The following MYOM2 variants were observed in gnomAD, a reference collection of about 807,000 sequenced individuals.
MYOM2 encodes myomesin 2.
Under a neutral mutation model 187.6 loss-of-function variants are expected in MYOM2, and 254 were observed. That is an observed-to-expected ratio of 1.35 (90% CI 1.22 to 1.50). MYOM2 has a LOEUF of 1.50. Ranked by LOEUF, MYOM2 falls within the 40% of genes most tolerant of loss-of-function variation. MYOM2 has a pLI of 0.00. For synonymous variants in MYOM2, 981 were observed against 753.8 expected, an observed-to-expected ratio of 1.30 and a Z score of -4.94; for missense variants, 2,796 against 1,924.0, an observed-to-expected ratio of 1.45 and a Z score of -8.48.
chr8:2,068,166 C>T (rs1000191810), intron 6 of MYOM2, among the ~76,000 whole-genome samples: 1 of 150,856 alleles, frequency 6.6e-6, no homozygotes, highest in Non-Finnish European at 1.5e-5. Context: ...GGCAGCTCTT[C>T]AATGCCTGTG....
rs1491257964 is a variant in MYOM2, at chr8:2,120,688, A to ATTT, written c.3454-2564_3454-2563insTTT. 2.4e-5 allele frequency among the ~76,000 whole-genome samples: 2 copies of ATTT among 82,552 alleles called. 1 individual carries two copies. The highest frequency in any genetic ancestry group is 4.9e-5 in the Non-Finnish European group (2 of 40,540). The allele number at this position is 82,552 out of a possible 152,430, so 54.2% of individuals were successfully genotyped here. On this transcript the variant is annotated intron_variant, in intron 28 of 36. Transcript: ENST00000262113. ...TATATATATATATTATATTATATAT[A>ATTT]AATATATAATATATATATTTTAATT... is the stretch of plus-strand genomic sequence containing the variant.
chr8:2,106,435 T>C (rs1796895239), intron 22 of MYOM2, 37 bp downstream of exon 22: 1 of 1,611,280 alleles, frequency 6.2e-7, no homozygotes, highest in Non-Finnish European at 8.5e-7. Flanking sequence ...TGGAAACTTT[T>C]AGAAGTTCCT....
chr8:2,117,841 C>CT, intron 27 of MYOM2, 44 bp from the exon 28 acceptor site: 1 of 1,451,196 alleles, frequency 6.9e-7, no homozygotes, highest in Non-Finnish European at 9.6e-7. Flanking sequence ...TATTTGTTTA[C>CT]TTTTTCCTTT....
chr8:2,137,938 A>T (rs528500716), intron 32 of MYOM2, among the ~76,000 whole-genome samples: 1 of 152,130 alleles, frequency 6.6e-6, no homozygotes, highest in South Asian at 2.1e-4. Flanking sequence ...TGCTCCTCAC[A>T]CGCCACGGTT....
intron 25 of MYOM2, among the ~76,000 whole-genome samples, chr8:2,112,276 T>C (rs1797092044): frequency 6.6e-6 from 1 of 151,222 alleles, no homozygotes; most frequent in African/African-American, 2.4e-5. Context: ...ATTAAAACAG[T>C]ACAGTAAACA....
Position 2,122,770 on chromosome 8 carries a change from G to A in MYOM2, c.3454-482G>A, listed in dbSNP as rs551688519. 2.5e-3 allele frequency among the ~76,000 whole-genome samples: 384 copies of A among 152,284 alleles called. 2 individuals are homozygous for A. The highest frequency in any genetic ancestry group is 9.0e-3 in the African/African-American group (374 of 41,564). On this transcript the variant is annotated intron_variant, in intron 28 of 36. Coordinates refer to ENST00000262113, the MANE Select transcript of MYOM2 (RefSeq NM_003970.4). ...TGAATTGTGAGGAATTTCAGTATAG[G>A]GAAGGTCCTCACCTCTAGTGAGCAT...
At chr8:2,073,552 G>A (rs749475053) in intron 10 of MYOM2, 52 bp downstream of exon 10, 2 of 1,534,004 alleles carry the variant, frequency 1.3e-6, no homozygotes, top group East Asian at 2.3e-5. Flanking sequence ...CCCGGGGAGG[G>A]GAGGCAGCCC....
In MYOM2 at chr8:2,144,870, C is replaced by G; in HGVS notation, c.4287C>G (p.Ile1429Met). Residue 1429 changes from isoleucine to methionine, a missense_variant, in exon 37 of 37, where the codon ATC (isoleucine) becomes ATG (methionine). Ile to Met is a conservative substitution (Grantham distance 10). Transcript: ENST00000262113. ...NIKNKYGGEKIDVTVSVYKHG... is the reference protein window; with the variant it reads ...NIKNKYGGEKMDVTVSVYKHG... Reference sequence around the variant, plus strand: ...AGAATAAGTATGGCGGGGAGAAGATCGACGTGACAGTGAGCGTGTACAAAC... The same window carrying G: ...AGAATAAGTATGGCGGGGAGAAGATGGACGTGACAGTGAGCGTGTACAAAC... 6.2e-7 allele frequency: 1 copy of G among 1,614,056 alleles called. No individual in the cohort carries two copies. The highest frequency in any genetic ancestry group is 8.5e-7 in the Non-Finnish European group (1 of 1,180,022).
At chr8:2,097,389 G>A in intron 18 of MYOM2, among the ~76,000 whole-genome samples, 1 of 151,762 alleles carries the variant, frequency 6.6e-6, no homozygotes, top group East Asian at 1.9e-4. Context: ...GTACGTATGG[G>A]GTACAATGTG....
Position 2,123,586 on chromosome 8 carries a change from C to G in MYOM2, c.3599C>G (p.Ala1200Gly), listed in dbSNP as rs151084499. The G allele has an allele frequency of 1.0e-4, 167 of 1,614,148 alleles. No homozygotes were observed. The African/African-American group carries it at 2.1e-3, about 20-fold the overall frequency. The part of the protein sequence containing the change: ...LSKKDHGEYK[A>G]TLKDDRGQDV... ...AAGAAGGACCACGGTGAATACAAGG[C>G]AACCTTGAAAGATGACAGAGGCCAA... Residue 1200 changes from alanine (A) to glycine (G), a missense_variant, in exon 30 of 37, where the codon GCA becomes GGA. Coordinates refer to ENST00000262113, the MANE Select transcript of MYOM2 (RefSeq NM_003970.4).
chr8:2,109,577 TTTG>T (rs1478028526), intron 25 of MYOM2, 46 bp downstream of exon 25: 1 of 1,569,544 alleles, frequency 6.4e-7, no homozygotes. Flanking sequence ...GGAGTCCACT[TTTG>T]TTGTGGTAGG....
chr8:2,119,938 G>A (rs556876663), intron 28 of MYOM2, among the ~76,000 whole-genome samples: 2 of 152,028 alleles, frequency 1.3e-5, no homozygotes, highest in African/African-American at 2.4e-5. Flanking sequence ...AGTGCAGCCC[G>A]TTGGTTTCAC....
At chr8:2,137,301 G>T (rs1055155420) in intron 32 of MYOM2, among the ~76,000 whole-genome samples, 1 of 151,952 alleles carries the variant, frequency 6.6e-6, no homozygotes, top group Non-Finnish European at 1.5e-5. Flanking sequence ...CGTCCTCTTG[G>T]TGAGACTGAC....
chr8:2,144,125 C>G (rs1798373212), intron 36 of MYOM2, among the ~76,000 whole-genome samples: 1 of 151,844 alleles, frequency 6.6e-6, no homozygotes, highest in African/African-American at 2.4e-5. Context: ...GCCTAGAGAG[C>G]TCTTGAGATC....
chr8:2,101,144 G>A lies in MYOM2; in HGVS notation c.2619+90G>A, dbSNP rs988314633. The A allele has an allele frequency of 2.5e-5, 34 of 1,334,770 alleles. 1 individual carries two copies. The highest frequency in any genetic ancestry group is 3.1e-5 in the Non-Finnish European group (30 of 961,126). The allele number at this position is 1,334,770 out of a possible 1,614,324, so 82.7% of individuals were successfully genotyped here. ...GCCAATCACTTGAGGTCAGGAGTTC[G>A]AAACCAGCCTGGCCAACATGGAGAA... On this transcript the variant is annotated intron_variant, in intron 20 of 36. Coordinates refer to ENST00000262113, the MANE Select transcript of MYOM2 (RefSeq NM_003970.4).
chr8:2,136,377 G>A (rs558267725), intron 32 of MYOM2, among the ~76,000 whole-genome samples: 3 of 152,296 alleles, frequency 2.0e-5, no homozygotes, highest in Admixed American at 2.0e-4. Flanking sequence ...AGAAGCATGT[G>A]GGGTGCCAGA....
At chr8:2,136,227 T>C (rs1798065692) in intron 32 of MYOM2, among the ~76,000 whole-genome samples, 1 of 152,192 alleles carries the variant, frequency 6.6e-6, no homozygotes, top group South Asian at 2.1e-4. Flanking sequence ...TGGCTACCTT[T>C]GTGCAGCTGC....
intron 11 of MYOM2, among the ~76,000 whole-genome samples, chr8:2,078,019 G>A (rs542390388): frequency 6.6e-6 from 1 of 152,292 alleles, no homozygotes; most frequent in South Asian, 2.1e-4. Flanking sequence ...CCACTCTGGG[G>A]TTGAAGTGCT....
At chr8:2,077,410 A>G (rs897369850) in intron 11 of MYOM2, among the ~76,000 whole-genome samples, 1 of 152,224 alleles carries the variant, frequency 6.6e-6, no homozygotes, top group African/African-American at 2.4e-5. Flanking sequence ...TATTAAACAG[A>G]AAAATAAGGT....
Sources: gnomAD v4.1 joint callset for allele counts (sites outside exome capture counted in the v4.1 genomes callset) on GRCh38, gnomAD v4.1.1 for gene constraint, MANE v1.5 for transcripts, NCBI Gene and HGNC (gene_info 2026-07-23, HGNC 2026-07-21) for gene names.